The following ESRRG variants were observed in gnomAD, a reference collection of about 807,000 sequenced individuals.
The protein encoded by ESRRG is estrogen related receptor gamma.
In ESRRG, 13 loss-of-function variants were observed where a neutral mutation model predicts 44.0. The observed-to-expected ratio is 0.30, with a 90% CI of 0.19 to 0.47. The LOEUF (loss-of-function observed/expected upper bound fraction) is 0.47, where lower values mean the gene tolerates loss of function less well. Ranked by LOEUF, ESRRG falls within the 20% of genes least tolerant of loss-of-function variation. The probability of loss-of-function intolerance (pLI) is 1.00; values close to 1 mark genes in which losing one functional copy is unlikely to be tolerated. For missense variants in ESRRG, 395 were observed against 580.6 expected (o/e 0.68, Z 3.29); for synonymous variants, 215 against 214.6 (o/e 1.00, Z -0.02).
chr1:217,050,528 T>G (rs894674184), intron 1 of ESRRG, among the ~76,000 whole-genome samples: 2 of 152,074 alleles, frequency 1.3e-5, no homozygotes, highest in Admixed American at 1.3e-4. Flanking sequence ...CTCCTGTTCA[T>G]AAGAAACTAC....
intron 3 of ESRRG, among the ~76,000 whole-genome samples, chr1:216,592,672 G>C (rs1256435602): frequency 2.0e-5 from 3 of 151,968 alleles, no homozygotes; most frequent in Non-Finnish European, 4.4e-5. Flanking sequence ...AGCTAATTTT[G>C]TATTTTTAGT....
intron 2 of ESRRG, among the ~76,000 whole-genome samples, chr1:216,924,445 G>A (rs370805896): frequency 1.3e-5 from 2 of 151,908 alleles, no homozygotes; most frequent in African/African-American, 2.4e-5. Flanking sequence ...CTCCACAAGG[G>A]CCAGTGTCCA....
intron 2 of ESRRG, among the ~76,000 whole-genome samples, chr1:216,656,460 C>G (rs926827933): frequency 6.6e-6 from 1 of 152,132 alleles, no homozygotes; most frequent in African/African-American, 2.4e-5. Flanking sequence ...ATTTCAGAGT[C>G]TTTTGTGCAA....
At chr1:216,998,568 C>A (rs1023474905) in intron 1 of ESRRG, among the ~76,000 whole-genome samples, 3 of 152,016 alleles carry the variant, frequency 2.0e-5, no homozygotes, top group African/African-American at 7.2e-5. Context: ...TTTAATTATC[C>A]CTACATAATT....
chr1:217,126,246 A>T (rs2092888414), intron 1 of ESRRG, among the ~76,000 whole-genome samples: 1 of 152,186 alleles, frequency 6.6e-6, no homozygotes, highest in Non-Finnish European at 1.5e-5. Context: ...CCCACCCCGT[A>T]GCACCATGTA....
At chr1:216,916,032 CTG>C (rs142010675) in intron 2 of ESRRG, among the ~76,000 whole-genome samples, 4 of 151,118 alleles carry the variant, frequency 2.6e-5, no homozygotes, top group Middle Eastern at 3.4e-3. Context: ...TTCTCTACCA[CTG>C]TGTGTGTGTG....
At chr1:216,617,860 T>C (rs897143377) in intron 3 of ESRRG, among the ~76,000 whole-genome samples, 1 of 152,194 alleles carries the variant, frequency 6.6e-6, no homozygotes, top group Non-Finnish European at 1.5e-5. Flanking sequence ...TGGCTAATGC[T>C]TTACAAGATT....
At chr1:216,723,450 A>G, upstream of ESRRG, 1 of 683,576 alleles carries the variant, frequency 1.5e-6, no homozygotes, top group East Asian at 2.7e-5. Context: ...CTAATCAAGG[A>G]CTTAAAGCCC....
intron 1 of ESRRG, among the ~76,000 whole-genome samples, chr1:217,116,242 C>G (rs1171562486): frequency 6.6e-6 from 1 of 152,120 alleles, no homozygotes; most frequent in Non-Finnish European, 1.5e-5. Context: ...AAAGCCATCA[C>G]CAGGAATAAC....
At chr1:216,957,797 T>G (rs537121819) in intron 1 of ESRRG, among the ~76,000 whole-genome samples, 14 of 152,194 alleles carry the variant, frequency 9.2e-5, no homozygotes, top group Non-Finnish European at 2.1e-4. Context: ...AATTATCCAT[T>G]AAATAACTAA....
chr1:217,066,255 C>CTTTTTTTTT (rs68151743), intron 1 of ESRRG, among the ~76,000 whole-genome samples: 10 of 132,498 alleles, frequency 7.5e-5, no homozygotes, highest in East Asian at 2.3e-4. Flanking sequence ...TTTTTCTTTT[C>CTTTTTTTTT]TTTTTTTTTT....
intron 1 of ESRRG, among the ~76,000 whole-genome samples, chr1:217,048,580 C>A (rs960026902): frequency 2.0e-5 from 3 of 152,124 alleles, no homozygotes; most frequent in Non-Finnish European, 4.4e-5. Flanking sequence ...CCCCTTCCAC[C>A]AATGCCACAG....
At chr1:216,967,342 T>C (rs1320285982) in intron 1 of ESRRG, among the ~76,000 whole-genome samples, 2 of 152,246 alleles carry the variant, frequency 1.3e-5, no homozygotes, top group East Asian at 1.9e-4. Flanking sequence ...TATAATATCA[T>C]ACAAAATAGT....
chr1:216,854,668 G>T (rs575417223), intron 2 of ESRRG, among the ~76,000 whole-genome samples: 1 of 152,096 alleles, frequency 6.6e-6, no homozygotes, highest in Non-Finnish European at 1.5e-5. Context: ...ACTACTTATG[G>T]CTATACAATA....
chr1:216,843,782 A>T (rs2095691836), intron 2 of ESRRG, among the ~76,000 whole-genome samples: 1 of 152,166 alleles, frequency 6.6e-6, no homozygotes, highest in Admixed American at 6.6e-5. Context: ...GGGTACCTGA[A>T]TTAATGCCAT....
intron 3 of ESRRG, among the ~76,000 whole-genome samples, chr1:216,577,572 G>A (rs185367995): frequency 5.9e-5 from 9 of 152,078 alleles, no homozygotes; most frequent in Admixed American, 5.3e-4. Context: ...GGGATGCTCT[G>A]TATAAACAGA....
intron 2 of ESRRG, among the ~76,000 whole-genome samples, chr1:216,749,364 C>A (rs1331050032): frequency 6.6e-6 from 1 of 152,044 alleles, no homozygotes; most frequent in Non-Finnish European, 1.5e-5. Context: ...ATTTGTCTGG[C>A]TGGATTTGGA....
At chr1:216,874,039 G>T (rs1249449817) in intron 2 of ESRRG, among the ~76,000 whole-genome samples, 2 of 147,158 alleles carry the variant, frequency 1.4e-5, no homozygotes, top group Non-Finnish European at 3.0e-5. Context: ...GGGAGGGAGA[G>T]AGGTGGAAGG....
chr1:216,960,162 G>A (rs1239709468), intron 1 of ESRRG, among the ~76,000 whole-genome samples: 2 of 151,994 alleles, frequency 1.3e-5, no homozygotes, highest in Non-Finnish European at 2.9e-5. Context: ...CCCTTCCAAT[G>A]CTTTTATAAC....
Sources: allele counts gnomAD v4.1 joint callset (sites outside exome capture counted in the v4.1 genomes callset), GRCh38; gene constraint gnomAD v4.1.1; transcripts MANE v1.5; gene names NCBI Gene and HGNC (gene_info 2026-07-23, HGNC 2026-07-21).